The following ZMYM2 variants were observed in gnomAD, a reference collection of about 807,000 sequenced individuals.
ZMYM2 encodes zinc finger MYM-type protein 2.
ZMYM2 carries 56 observed loss-of-function variants against 162.8 expected under a neutral mutation model. The ratio of observed to expected loss-of-function variants is 0.34; its 90% confidence interval spans 0.28 to 0.43. The LOEUF is 0.43. Among genes scored for constraint, ZMYM2 ranks in the 20% least tolerant of loss-of-function variants. ZMYM2 has a pLI of 1.00. For synonymous variants in ZMYM2, 510 were observed against 541.6 expected (o/e 0.94, Z 0.81); for missense variants, 1,275 against 1,621.8 (o/e 0.79, Z 3.67).
intron 11 of ZMYM2, among the ~76,000 whole-genome samples, chr13:20,034,692 GT>G (rs1252935456): frequency 2.0e-5 from 3 of 152,196 alleles, no homozygotes; most frequent in Admixed American, 6.5e-5. Context: ...TGGTCTGAAA[GT>G]TGGTTTTCCA....
At chr13:20,083,534 C>T in intron 23 of ZMYM2, 122 bp from the exon 24 acceptor site, 1 of 709,932 alleles carries the variant, frequency 1.4e-6, no homozygotes, top group Non-Finnish European at 2.2e-6. Context: ...TTACCAGAAG[C>T]CATAACTTAA....
In ZMYM2 at chr13:19,958,823, G is replaced by A. The variant is rs1319464171; in HGVS notation, c.-98G>A. ...CGGGGGAGGGGAGGTTCGTTCCGCG[G>A]AGCCCCAGCCAGAACCGGGTGAGGC... On this transcript the variant is annotated 5_prime_UTR_variant, in exon 1 of 25. Transcript: ENST00000610343. 2.0e-5 allele frequency: 3 copies of A among 152,988 alleles called. No individual in the cohort carries two copies. Among genetic ancestry groups the A allele is most frequent in the Non-Finnish European group, 2.9e-5 (2 of 68,738 alleles). 9.5% of individuals were successfully genotyped at this position (152,988 alleles called of 1,614,324 possible).
At chr13:19,908,917 G>A in the ZMYM2 span, among the ~76,000 whole-genome samples, 1 of 152,134 alleles carries the variant, frequency 6.6e-6, no homozygotes, top group Non-Finnish European at 1.5e-5. Flanking sequence ...TGACCTTGAG[G>A]ATCCCCAATG....
At chr13:20,002,822 A>G (rs774813972) in intron 3 of ZMYM2, 28 bp from the exon 4 acceptor site, 2 of 1,600,796 alleles carry the variant, frequency 1.2e-6, no homozygotes, top group Non-Finnish European at 1.7e-6. Flanking sequence ...TTGTTTCATT[A>G]TTCTTTCTTG....
At chr13:19,939,730 G>A in the ZMYM2 span, among the ~76,000 whole-genome samples, 2 of 152,178 alleles carry the variant, frequency 1.3e-5, no homozygotes, top group African/African-American at 4.8e-5. Flanking sequence ...TATTAGCCAT[G>A]AAAAAGAATG....
At chr13:20,083,599 G>A in intron 23 of ZMYM2, 57 bp from the exon 24 acceptor site, 2 of 1,348,968 alleles carry the variant, frequency 1.5e-6, no homozygotes, top group Admixed American at 2.3e-5. Context: ...TAGGAGTGAT[G>A]TTTATATCTT....
chr13:19,946,480 G>C, the ZMYM2 span, among the ~76,000 whole-genome samples: 1 of 152,212 alleles, frequency 6.6e-6, no homozygotes, highest in Non-Finnish European at 1.5e-5. Flanking sequence ...TACTTCTTCA[G>C]AAAAGTGTTC....
the ZMYM2 span, among the ~76,000 whole-genome samples, chr13:19,872,837 T>TA: frequency 6.6e-6 from 1 of 151,298 alleles, no homozygotes; most frequent in African/African-American, 2.4e-5. Flanking sequence ...CCCGTCTGCC[T>TA]AAAATACAAA....
intron 3 of ZMYM2, 135 bp downstream of exon 3, chr13:19,994,054 TAA>T (rs1949832093): frequency 2.7e-6 from 3 of 1,099,886 alleles, no homozygotes; most frequent in Non-Finnish European, 3.8e-6. Context: ...AATTTTATCT[TAA>T]GTTTGGTATT....
At chr13:19,892,753 C>T in the ZMYM2 span, among the ~76,000 whole-genome samples, 1 of 148,768 alleles carries the variant, frequency 6.7e-6, no homozygotes, top group Non-Finnish European at 1.5e-5. Context: ...TTCGCTGTGT[C>T]ACCCGGGCTG....
intron 2 of ZMYM2, among the ~76,000 whole-genome samples, chr13:19,969,356 G>A (rs940372976): frequency 2.0e-5 from 3 of 152,166 alleles, no homozygotes; most frequent in African/African-American, 7.2e-5. Flanking sequence ...AAGGTATGTG[G>A]ACTTTTTAGG....
chr13:19,981,405 T>G (rs1957315593), intron 2 of ZMYM2, among the ~76,000 whole-genome samples: 1 of 152,258 alleles, frequency 6.6e-6, no homozygotes, highest in South Asian at 2.1e-4. Context: ...TTTGGCCAGT[T>G]GGAGCCTATT....
At chr13:19,869,812 T>A in the ZMYM2 span, among the ~76,000 whole-genome samples, 4 of 151,470 alleles carry the variant, frequency 2.6e-5, no homozygotes, top group Admixed American at 6.6e-5. Context: ...AATAAATAAA[T>A]AAAAAAGAAT....
chr13:19,869,591 C>A, the ZMYM2 span, among the ~76,000 whole-genome samples: 2 of 152,042 alleles, frequency 1.3e-5, no homozygotes, highest in African/African-American at 4.8e-5. Context: ...AGTTTCAGAC[C>A]AGCCTGGGCA....
the ZMYM2 span, among the ~76,000 whole-genome samples, chr13:19,943,758 T>C: frequency 6.6e-6 from 1 of 152,228 alleles, no homozygotes; most frequent in African/African-American, 2.4e-5. Context: ...ATTCTAAAAC[T>C]GCTCTTGCCC....
chr13:20,026,418 T>A, intron 7 of ZMYM2, 194 bp from the exon 8 acceptor site: 1 of 463,234 alleles, frequency 2.2e-6, no homozygotes. Context: ...TAGCTGATGA[T>A]CATTGCTTTG....
chr13:19,907,710 C>T, the ZMYM2 span, among the ~76,000 whole-genome samples: 8 of 115,638 alleles, frequency 6.9e-5, no homozygotes, highest in African/African-American at 2.0e-4. Flanking sequence ...TGCAGTGAGC[C>T]GAGATTGTGC....
chr13:19,928,828 A>G, the ZMYM2 span, among the ~76,000 whole-genome samples: 1 of 151,286 alleles, frequency 6.6e-6, no homozygotes, highest in African/African-American at 2.4e-5. Flanking sequence ...CCGTCTTAGT[A>G]GAGACAGGGT....
the ZMYM2 span, among the ~76,000 whole-genome samples, chr13:19,866,215 G>A: frequency 6.7e-6 from 1 of 149,570 alleles, no homozygotes; most frequent in African/African-American, 2.4e-5. Flanking sequence ...CAGCAAGACT[G>A]TATCTCAAAA....
Sources: allele counts gnomAD v4.1 joint callset (sites outside exome capture counted in the v4.1 genomes callset), GRCh38; gene constraint gnomAD v4.1.1; transcripts MANE v1.5; gene names NCBI Gene and HGNC (gene_info 2026-07-23, HGNC 2026-07-21).